Variants in SPOCD1 observed in about 807,000 individuals in gnomAD.
The protein encoded by SPOCD1 is SPOC domain containing 1, also known as SPOC domain-containing protein 1.
A neutral mutation model predicts 92.2 loss-of-function variants in SPOCD1; 64 were observed. That is an observed-to-expected ratio of 0.69 (90% CI 0.57 to 0.86). SPOCD1 has a LOEUF of 0.86. SPOCD1 is among the 40% of genes least tolerant of loss of function. SPOCD1 has a pLI of 0.00. For synonymous variants in SPOCD1, 578 were observed against 619.3 expected (o/e 0.93, Z 0.99); for missense variants, 1,360 against 1,543.1 (o/e 0.88, Z 1.99).
At chr1:31,802,692 G>A (rs1035116485) in intron 2 of SPOCD1, among the ~76,000 whole-genome samples, 7 of 152,264 alleles carry the variant, frequency 4.6e-5, no homozygotes, top group African/African-American at 1.7e-4. Flanking sequence ...GTAGGAACTT[G>A]GGTATTCATG....
intron 9 of SPOCD1, among the ~76,000 whole-genome samples, chr1:31,797,816 C>T (rs1298678823): frequency 6.6e-6 from 1 of 152,146 alleles, no homozygotes; most frequent in African/African-American, 2.4e-5. Context: ...GGGGCCCCTC[C>T]CCCAACCTGG....
In SPOCD1 at chr1:31,793,417, G is replaced by C. The variant is rs1368597187; in HGVS notation, c.2546C>G (p.Ser849Cys). The C allele has an allele frequency of 6.3e-7, 1 of 1,590,762 alleles. No homozygotes were observed. The highest frequency in any genetic ancestry group is 1.3e-5 in the African/African-American group (1 of 74,472). The change falls in exon 13 of 16, where the codon TCT becomes TGT. Residue 849 changes from serine (S) to cysteine (C), a missense_variant. Transcript: ENST00000360482. ...PTEPQDRVPP[S>C]GLHVPAAPTK... ...GGGTGCAGCAGGCACATGGAGCCCA[G>C]ATGGAGGGACCCTAGAGGGAGGGAC...
At position 31,799,849 on chromosome 1, in the gene SPOCD1, C is replaced by T; in HGVS notation, c.1743G>A (p.Glu581=). 6.2e-7 allele frequency: 1 copy of T among 1,614,166 alleles called. No homozygotes were observed. Among genetic ancestry groups the T allele is most frequent in the East Asian group, 2.2e-5 (1 of 44,874 alleles). ...DPACSQSGPM[E]AEEDSLPEQP... The stretch of plus-strand genomic sequence containing the variant: ...GCTCCGGAAGAGAATCCTCTTCAGC[C>T]TCCATTGGGCCACTCTGTAGGGGAG... Residue 581 remains glutamate, a synonymous_variant, in exon 6 of 16, where the codon GAG becomes GAA. Coordinates refer to ENST00000360482, the MANE Select transcript of SPOCD1 (RefSeq NM_144569.7).
chr1:31,799,043 C>T (rs1648238284), intron 7 of SPOCD1, among the ~76,000 whole-genome samples: 1 of 152,126 alleles, frequency 6.6e-6, no homozygotes, highest in Admixed American at 6.5e-5. Flanking sequence ...AAGTCCAACC[C>T]TCTCTGAGCC....
chr1:31,807,147 G>A (rs1450990584), intron 2 of SPOCD1, among the ~76,000 whole-genome samples: 1 of 150,542 alleles, frequency 6.6e-6, no homozygotes, highest in Non-Finnish European at 1.5e-5. Context: ...CAGCACTTTG[G>A]GAGGTCAGGC....
intron 6 of SPOCD1, 139 bp from the exon 7 acceptor site, chr1:31,799,624 G>A: frequency 9.2e-7 from 1 of 1,085,716 alleles, no homozygotes; most frequent in Non-Finnish European, 1.3e-6. Context: ...ATCCATCTGG[G>A]AGCCAAGCCC....
chr1:31,800,570 G>A lies in SPOCD1; in HGVS notation c.1473C>T (p.Gly491=), dbSNP rs2149106736. 1.2e-6 allele frequency: 2 copies of A among 1,610,630 alleles called. No homozygotes were observed. Among genetic ancestry groups the A allele is most frequent in the South Asian group, 1.1e-5 (1 of 90,352 alleles). The change falls in exon 4 of 16, where the codon GGC becomes GGT. Residue 491 remains glycine (G), a synonymous_variant. Coordinates refer to ENST00000360482, the MANE Select transcript of SPOCD1 (RefSeq NM_144569.7). The part of the protein sequence containing the change: ...VIQLLGAISH[G]QAGGQLPPKL... The stretch of plus-strand genomic sequence containing the variant: ...TTGGTGGCAGCTGCCCCCCTGCCTG[G>A]CCGTGGCTGATGGCCCCCAGGAGCT...
In SPOCD1 at chr1:31,814,842, G is replaced by T. The variant is rs200136547; in HGVS notation, c.492C>A (p.Pro164=). The T allele has an allele frequency of 3.7e-4, 598 of 1,613,096 alleles. 1 individual carries two copies. The highest frequency in any genetic ancestry group is 3.5e-4 in the Non-Finnish European group (408 of 1,179,708). The part of the protein sequence containing the change: ...AGVEEVSCLR[P]REARDGGMSS... ...TCATTCCACCGTCTCTGGCCTCCCT[G>T]GGCCTGAGGCAGCTCACCTCCTCCA... The change falls in exon 2 of 16, where the codon CCC becomes CCA. Residue 164 remains proline, a synonymous_variant. Transcript: ENST00000360482. The surrounding 1 kb of genome is among the most constrained non-coding windows in gnomAD (Gnocchi z 4.2).
chr1:31,806,641 G>C (rs1469283878), intron 2 of SPOCD1, among the ~76,000 whole-genome samples: 6 of 151,992 alleles, frequency 3.9e-5, no homozygotes, highest in African/African-American at 1.4e-4. Flanking sequence ...CGCCCCCGAG[G>C]TTCAAGCGAT....
chr1:31,799,947 C>T, intron 5 of SPOCD1, 69 bp downstream of exon 5: 1 of 1,612,572 alleles, frequency 6.2e-7, no homozygotes, highest in Non-Finnish European at 8.5e-7. Flanking sequence ...TAGTCACCTC[C>T]CCACTCCCAC....
intron 5 of SPOCD1, 58 bp downstream of exon 5, chr1:31,799,958 G>A (rs1648321979): frequency 2.1e-5 from 34 of 1,612,154 alleles, no homozygotes; most frequent in Non-Finnish European, 2.7e-5. Context: ...CCACTCCCAC[G>A]TCCTCCCTGA....
chr1:31,802,407 G>C (rs1648529213), intron 2 of SPOCD1, among the ~76,000 whole-genome samples: 1 of 152,146 alleles, frequency 6.6e-6, no homozygotes, highest in South Asian at 2.1e-4. Context: ...GCTCCAAGAG[G>C]ATCTGAAAAG....
intron 12 of SPOCD1, 148 bp from the exon 13 acceptor site, chr1:31,793,576 G>A (rs778903084): frequency 5.8e-5 from 86 of 1,487,268 alleles, no homozygotes; most frequent in Non-Finnish European, 7.7e-5. Flanking sequence ...GGGCTGCCAG[G>A]AGGCTGGGAT....
rs369199857 is a variant in SPOCD1, at chr1:31,793,914, C to T, written c.2384-17G>A. On this transcript the variant is annotated splice_polypyrimidine_tract_variant and intron_variant, in intron 11 of 15. Transcript: ENST00000360482. ...GCTCCCAGTCTGCAAATAGCAGAGG[C>T]AGGAGCTGAAACAGGGGCAGCAGCA... 31 of 1,601,938 alleles carry T rather than the reference C, an allele frequency of 1.9e-5. No homozygotes were observed. Among genetic ancestry groups the T allele is most frequent in the Non-Finnish European group, 2.6e-5 (30 of 1,171,676 alleles).
At position 31,793,413 on chromosome 1, in the gene SPOCD1, C is replaced by T. The variant is rs1432406091; in HGVS notation, c.2550G>A (p.Gly850=). The stretch of plus-strand genomic sequence containing the variant: ...TTGTGGGTGCAGCAGGCACATGGAG[C>T]CCAGATGGAGGGACCCTAGAGGGAG... ...TEPQDRVPPS[G]LHVPAAPTKA... Residue 850 remains glycine, a synonymous_variant, in exon 13 of 16, where the codon GGG becomes GGA. Transcript: ENST00000360482. 1 of 1,591,388 alleles carries T rather than the reference C, an allele frequency of 6.3e-7. No homozygotes were observed.
chr1:31,797,161 A>G (rs1050961667), intron 9 of SPOCD1, among the ~76,000 whole-genome samples: 3 of 152,226 alleles, frequency 2.0e-5, no homozygotes, highest in Admixed American at 6.5e-5. Context: ...ATATTAAACA[A>G]CATATATAGA....
chr1:31,807,694 T>C (rs1479920056), intron 2 of SPOCD1, among the ~76,000 whole-genome samples: 2 of 151,742 alleles, frequency 1.3e-5, no homozygotes, highest in African/African-American at 2.4e-5. Flanking sequence ...AACAAACATA[T>C]AGTGGAGAGG....
chr1:31,793,339 G>A lies in SPOCD1; in HGVS notation c.2624C>T (p.Ser875Phe). Residue 875 changes from serine to phenylalanine, a missense_variant, in exon 13 of 16, where the codon TCC becomes TTC. Coordinates refer to ENST00000360482, the MANE Select transcript of SPOCD1 (RefSeq NM_144569.7). ...PPWEGVLDMF[S>F]IKRFRARAQL... ...GGCCCTGGCCCGGAACCGCTTGATG[G>A]AGAACATGTCCAGAACACCTTCCCA... 6.3e-7 allele frequency: 1 copy of A among 1,591,976 alleles called. No homozygotes were observed. The highest frequency in any genetic ancestry group is 1.3e-5 in the African/African-American group (1 of 74,706).
In SPOCD1 at chr1:31,814,228, T is replaced by TGA. The variant is rs778164410; in HGVS notation, c.1104_1105dup (p.Gln369LeufsTer58). 1.3e-6 allele frequency: 2 copies of TGA among 1,582,174 alleles called. No individual in the cohort carries two copies. The highest frequency in any genetic ancestry group is 2.7e-5 in the African/African-American group (2 of 74,478). On this transcript the variant is annotated frameshift_variant, in exon 2 of 16. Coordinates refer to ENST00000360482, the MANE Select transcript of SPOCD1 (RefSeq NM_144569.7). LOFTEE classifies it high-confidence loss of function. This position sits in a 1 kb window ranked among gnomAD's most constrained non-coding sequence, Gnocchi z 4.2. ...CTCCAGCCTTCCCCTGGAAGCTGGCTGAGCCTTGGCCTCCAGCTCCTCCTG... is the reference window on the plus strand; with the variant it reads ...CTCCAGCCTTCCCCTGGAAGCTGGCTGAGAGCCTTGGCCTCCAGCTCCTCCTG...
Sources: gnomAD v4.1 joint callset for allele counts (sites outside exome capture counted in the v4.1 genomes callset) on GRCh38, gnomAD v4.1.1 for gene constraint, Gnocchi (gnomAD v3.1) non-coding constraint, MANE v1.5 for transcripts, NCBI Gene and HGNC (gene_info 2026-07-23, HGNC 2026-07-21) for gene names.